The following IL1RAPL1 variants were observed in gnomAD, a reference collection of about 807,000 sequenced individuals.
IL1RAPL1 encodes interleukin-1 receptor accessory protein-like 1.
In IL1RAPL1, 3 loss-of-function variants were observed where a neutral mutation model predicts 48.4. That is an observed-to-expected ratio of 0.06 (90% CI 0.03 to 0.16). IL1RAPL1 has a LOEUF of 0.16. Ranked by LOEUF, IL1RAPL1 falls within the 10% of genes least tolerant of loss-of-function variation. The probability of loss-of-function intolerance (pLI) is 1.00; values close to 1 mark genes in which losing one functional copy is unlikely to be tolerated. For missense variants in IL1RAPL1, 349 were observed against 530.6 expected, an observed-to-expected ratio of 0.66 and a Z score of 3.36; for synonymous variants, 185 against 187.7, an observed-to-expected ratio of 0.99 and a Z score of 0.12.
intron 2 of IL1RAPL1, among the ~76,000 whole-genome samples, chrX:28,842,391 A>C (rs1601927330): frequency 9.0e-6 from 1 of 111,225 alleles, no homozygotes; most frequent in South Asian, 3.7e-4. Context: ...AAAAAGTTTG[A>C]TATTAGAGAG....
At chrX:28,844,131 A>T (rs948608558) in intron 2 of IL1RAPL1, among the ~76,000 whole-genome samples, 1 of 107,845 alleles carries the variant, frequency 9.3e-6, no homozygotes, top group African/African-American at 3.4e-5. Flanking sequence ...GGTGGAGTTT[A>T]AGCTCCCCCT....
At chrX:29,918,973 A>G (rs1932825770) in intron 7 of IL1RAPL1, among the ~76,000 whole-genome samples, 1 of 112,276 alleles carries the variant, frequency 8.9e-6, no homozygotes, top group South Asian at 3.7e-4. Flanking sequence ...TTCTGGGTAT[A>G]TACAAACATT....
chrX:29,323,307 A>G (rs1932816102), intron 3 of IL1RAPL1, among the ~76,000 whole-genome samples: 1 of 110,061 alleles, frequency 9.1e-6, no homozygotes, highest in African/African-American at 3.3e-5. Flanking sequence ...TTCAGTCTTT[A>G]TTTGTCATGG....
intron 6 of IL1RAPL1, among the ~76,000 whole-genome samples, chrX:29,916,914 T>G (rs1222304128): frequency 8.9e-6 from 1 of 112,324 alleles, no homozygotes; most frequent in Non-Finnish European, 1.9e-5. Context: ...TTTTTCTACC[T>G]ATGTGTTAGC....
intron 6 of IL1RAPL1, among the ~76,000 whole-genome samples, chrX:29,906,361 A>T (rs2147230265): frequency 1.0e-5 from 1 of 99,563 alleles, no homozygotes; most frequent in East Asian, 3.3e-4. Flanking sequence ...AACAAAAAAA[A>T]AAACATAAAA....
At chrX:28,693,004 G>A (rs1445674257) in intron 1 of IL1RAPL1, among the ~76,000 whole-genome samples, 2 of 112,115 alleles carry the variant, frequency 1.8e-5, no homozygotes, top group African/African-American at 6.5e-5. Flanking sequence ...TTAGGTGAAA[G>A]TATTGTAATA....
chrX:29,342,043 G>A (rs906661586), intron 3 of IL1RAPL1, among the ~76,000 whole-genome samples: 6 of 109,882 alleles, frequency 5.5e-5, no homozygotes, highest in African/African-American at 1.7e-4. Flanking sequence ...TCCTGACCTC[G>A]TGATCCACCC....
At chrX:28,927,667 T>C (rs1213282890) in intron 2 of IL1RAPL1, among the ~76,000 whole-genome samples, 2 of 108,735 alleles carry the variant, frequency 1.8e-5, no homozygotes, top group East Asian at 2.9e-4. Context: ...GACTATTGCA[T>C]TGTCAAATTG....
At chrX:28,681,067 T>TTTTG (rs2146919795) in intron 1 of IL1RAPL1, among the ~76,000 whole-genome samples, 1 of 111,847 alleles carries the variant, frequency 8.9e-6, no homozygotes, top group East Asian at 2.8e-4. Context: ...GTTGGAAGGT[T>TTTTG]TTTGATTACT....
chrX:29,145,389 T>C (rs889588340), intron 2 of IL1RAPL1, among the ~76,000 whole-genome samples: 2 of 112,425 alleles, frequency 1.8e-5, no homozygotes, highest in Non-Finnish European at 3.8e-5. Context: ...CTATATTTCG[T>C]CAAGTAATAA....
At chrX:29,277,028 A>G (rs1932130392) in intron 2 of IL1RAPL1, among the ~76,000 whole-genome samples, 1 of 112,587 alleles carries the variant, frequency 8.9e-6, no homozygotes, top group Admixed American at 9.4e-5. Flanking sequence ...CATGCTAATG[A>G]AAGTATGTAT....
intron 5 of IL1RAPL1, among the ~76,000 whole-genome samples, chrX:29,558,461 G>C (rs1211522032): frequency 9.0e-6 from 1 of 111,364 alleles, no homozygotes; most frequent in Non-Finnish European, 1.9e-5. Context: ...TGCATGGTTT[G>C]GAAATAAATT....
intron 2 of IL1RAPL1, among the ~76,000 whole-genome samples, chrX:29,033,517 G>A (rs1362658568): frequency 9.0e-6 from 1 of 110,850 alleles, no homozygotes; most frequent in Non-Finnish European, 1.9e-5. Context: ...GGCGAGATGG[G>A]AGAGTCTTGA....
chrX:29,704,396 C>T (rs191957427), intron 6 of IL1RAPL1, among the ~76,000 whole-genome samples: 11 of 111,617 alleles, frequency 9.9e-5, no homozygotes, highest in Admixed American at 7.6e-4. Flanking sequence ...TGGCAGGGTG[C>T]GGTGGCTCAC....
chrX:29,290,638 A>G (rs1387419559), intron 3 of IL1RAPL1, among the ~76,000 whole-genome samples: 1 of 111,742 alleles, frequency 8.9e-6, no homozygotes, highest in Non-Finnish European at 1.9e-5. Flanking sequence ...TTTGCACGTG[A>G]CTCTGCAATG....
chrX:29,371,833 A>G (rs758125854), intron 3 of IL1RAPL1, among the ~76,000 whole-genome samples: 7 of 111,940 alleles, frequency 6.3e-5, no homozygotes, highest in South Asian at 3.7e-4. Context: ...TCTTTATCCA[A>G]TCCACCATTG....
intron 2 of IL1RAPL1, among the ~76,000 whole-genome samples, chrX:28,978,648 G>T (rs6630798): frequency 2.7e-5 from 3 of 111,025 alleles, no homozygotes; most frequent in Admixed American, 1.9e-4. Flanking sequence ...TGAATCTAGT[G>T]TTCATGAATT....
At chrX:29,364,120 A>G (rs1213933712) in intron 3 of IL1RAPL1, among the ~76,000 whole-genome samples, 1 of 112,532 alleles carries the variant, frequency 8.9e-6, no homozygotes, top group Non-Finnish European at 1.9e-5. Context: ...AGTTATATTT[A>G]ATTTACTTGT....
chrX:29,652,882 C>T (rs1328813349), intron 5 of IL1RAPL1, among the ~76,000 whole-genome samples: 1 of 112,034 alleles, frequency 8.9e-6, no homozygotes, highest in Non-Finnish European at 1.9e-5. Context: ...TAGTATTTCA[C>T]TGATGAATTG....
Sources: allele counts gnomAD v4.1 joint callset (sites outside exome capture counted in the v4.1 genomes callset), GRCh38; gene constraint gnomAD v4.1.1; transcripts MANE v1.5; gene names NCBI Gene and HGNC (gene_info 2026-07-23, HGNC 2026-07-21).